The following USP38 variants were observed in gnomAD, a reference collection of about 807,000 sequenced individuals.
USP38 encodes ubiquitin carboxyl-terminal hydrolase 38.
USP38 carries 49 observed loss-of-function variants against 94.3 expected under a neutral mutation model. The ratio of observed to expected loss-of-function variants is 0.52; its 90% CI spans 0.41 to 0.66. USP38 has a LOEUF of 0.66. Among genes scored for constraint, USP38 ranks in the 30% least tolerant of loss-of-function variants. The pLI is 0.00. For synonymous variants in USP38, 468 were observed against 463.6 expected (o/e 1.01, Z -0.12); for missense variants, 1,128 against 1,229.4 (o/e 0.92, Z 1.23).
chr4:143,203,069 G>A (rs1731761426), intron 4 of USP38, among the ~76,000 whole-genome samples: 1 of 151,868 alleles, frequency 6.6e-6, no homozygotes, highest in Admixed American at 6.6e-5. Context: ...CCCATTGAAT[G>A]ACCTGGTAAA....
rs1230596627 is a variant in USP38 at position 143,204,939 on chromosome 4, A to G, written c.1210-1094A>G. 2.0e-5 allele frequency among the ~76,000 whole-genome samples: 3 copies of G among 152,202 alleles called. No individual in the cohort carries two copies. The East Asian group carries it at 5.8e-4, about 29-fold the overall frequency. On this transcript the variant is annotated intron_variant, in intron 5 of 9. Transcript: ENST00000307017. The stretch of plus-strand genomic sequence containing the variant: ...TTTTTACTGTATCATTAACTAAATC[A>G]AACTTATTTTGGTTGAGCTCAGAAC...
intron 4 of USP38, among the ~76,000 whole-genome samples, chr4:143,200,327 C>G (rs943264583): frequency 3.3e-5 from 5 of 152,100 alleles, no homozygotes; most frequent in African/African-American, 1.2e-4. Flanking sequence ...TCAATAAATT[C>G]AACATCCCTT....
rs1732314652 is a variant in USP38 at position 143,221,200 on chromosome 4, G to A, written c.*744G>A. ...GGAGTATATCTTCTGTGGTTTTGAAGGAGGTGAGTTCTGTATGTGCCTTGC... is the reference window on the plus strand; with the variant it reads ...GGAGTATATCTTCTGTGGTTTTGAAAGAGGTGAGTTCTGTATGTGCCTTGC... On this transcript the variant is annotated 3_prime_UTR_variant, in exon 10 of 10. Transcript: ENST00000307017. 6.6e-6 allele frequency: 1 copy of A among 152,482 alleles called. No homozygotes were observed. The highest frequency in any genetic ancestry group is 6.6e-5 in the Admixed American group (1 of 15,252). 9.4% of individuals were successfully genotyped at this position (152,482 alleles called of 1,614,324 possible).
At chr4:143,206,277 C>T (rs1292633678) in intron 6 of USP38, 51 bp downstream of exon 6, 24 of 1,387,974 alleles carry the variant, frequency 1.7e-5, no homozygotes, top group Non-Finnish European at 2.2e-5. Context: ...TTGATGCATG[C>T]TGATGAAATA....
At chr4:143,192,677 G>T (rs1341352471) in intron 2 of USP38, among the ~76,000 whole-genome samples, 1 of 150,040 alleles carries the variant, frequency 6.7e-6, no homozygotes, top group Non-Finnish European at 1.5e-5. Context: ...GCCCCCTTCA[G>T]CCTCTAATCC....
chr4:143,191,868 A>G (rs1258433237), intron 2 of USP38, among the ~76,000 whole-genome samples: 3 of 152,246 alleles, frequency 2.0e-5, no homozygotes, highest in African/African-American at 7.2e-5. Context: ...CAAATTGATA[A>G]TCACTGATAC....
At chr4:143,200,173 CA>C (rs1396549996) in intron 4 of USP38, among the ~76,000 whole-genome samples, 1 of 152,112 alleles carries the variant, frequency 6.6e-6, no homozygotes, top group East Asian at 1.9e-4. Flanking sequence ...GCAAATCCAG[CA>C]GCACTTCAAA....
chr4:143,202,408 A>T (rs561922442), intron 4 of USP38, among the ~76,000 whole-genome samples: 1 of 152,264 alleles, frequency 6.6e-6, no homozygotes, highest in South Asian at 2.1e-4. Context: ...TTGCTGTTTG[A>T]TGGTACGACC....
chr4:143,205,689 C>T (rs1293724960), intron 5 of USP38, among the ~76,000 whole-genome samples: 1 of 152,094 alleles, frequency 6.6e-6, no homozygotes, highest in Non-Finnish European at 1.5e-5. Flanking sequence ...ATTCTACTGC[C>T]TTTGAATAGC....
Position 143,203,316 on chromosome 4 carries a change from T to C in USP38, c.1051-92T>C, listed in dbSNP as rs908091542. On this transcript the variant is annotated intron_variant, in intron 4 of 9. Transcript: ENST00000307017. The stretch of plus-strand genomic sequence containing the variant: ...ACTGCACATACAGAAAAGTATCTGC[T>C]GATCATATATCGTTTGTGTTCTGTT... The C allele has an allele frequency of 2.9e-5, 37 of 1,256,986 alleles. 1 individual carries two copies. Among genetic ancestry groups the C allele is most frequent in the Non-Finnish European group, 3.4e-5 (31 of 903,866 alleles). 77.9% of individuals were successfully genotyped at this position (1,256,986 alleles called of 1,614,324 possible).
chr4:143,213,554 G>A lies in USP38; in HGVS notation c.1605-27G>A, dbSNP rs1474915271. The A allele has an allele frequency of 1.9e-6, 3 of 1,543,680 alleles. No homozygotes were observed. In the South Asian group the frequency reaches 3.8e-5, roughly 19 times the overall value. ...ATGACATTTGAAGTTAATTTAAGTA[G>A]CTATATAATGATATCCTCTGCTGCA... is the stretch of plus-strand genomic sequence containing the variant. On this transcript the variant is annotated intron_variant, in intron 8 of 9. Transcript: ENST00000307017.
At chr4:143,216,888 G>A (rs960811535) in intron 9 of USP38, among the ~76,000 whole-genome samples, 1 of 151,972 alleles carries the variant, frequency 6.6e-6, no homozygotes, top group Non-Finnish European at 1.5e-5. Flanking sequence ...TCGGCTCACT[G>A]TAACCTCCAC....
chr4:143,185,426 G>A lies in USP38; in HGVS notation c.-25G>A. 6.4e-7 allele frequency: 1 copy of A among 1,556,468 alleles called. No individual in the cohort carries two copies. The highest frequency in any genetic ancestry group is 8.7e-7 in the Non-Finnish European group (1 of 1,148,056). On this transcript the variant is annotated 5_prime_UTR_variant, in exon 1 of 10. Transcript: ENST00000307017. ...GCCGCCACCCGCTCCTTATCCCCTG[G>A]CCCTGGCCTTGCAGCGTGGCGACAA... is the stretch of plus-strand genomic sequence containing the variant.
intron 7 of USP38, among the ~76,000 whole-genome samples, chr4:143,209,990 G>C (rs944940222): frequency 6.6e-6 from 1 of 152,032 alleles, no homozygotes; most frequent in African/African-American, 2.4e-5. Flanking sequence ...ATTTTTAAGT[G>C]CATCTTTGTT....
At chr4:143,198,060 C>T (rs934234877) in intron 4 of USP38, 136 bp downstream of exon 4, 6 of 555,344 alleles carry the variant, frequency 1.1e-5, no homozygotes, top group African/African-American at 1.9e-5. Context: ...TTATGATTTC[C>T]TAGAAAATTG....
intron 7 of USP38, among the ~76,000 whole-genome samples, chr4:143,210,837 A>G (rs1423016479): frequency 1.3e-5 from 2 of 151,990 alleles, no homozygotes; most frequent in East Asian, 1.9e-4. Flanking sequence ...AAATATCTCA[A>G]ATATAACTTC....
intron 2 of USP38, among the ~76,000 whole-genome samples, chr4:143,191,304 A>G (rs1731391605): frequency 6.6e-6 from 1 of 152,188 alleles, no homozygotes; most frequent in South Asian, 2.1e-4. Flanking sequence ...TATAAGTGAA[A>G]TGATAGGGAA....
At chr4:143,195,613 A>C (rs1297214016) in intron 2 of USP38, 103 bp from the exon 3 acceptor site, 1 of 1,220,096 alleles carries the variant, frequency 8.2e-7, no homozygotes, top group African/African-American at 1.5e-5. Flanking sequence ...AATTCAGTAA[A>C]TGTTTATTCA....
intron 1 of USP38, among the ~76,000 whole-genome samples, chr4:143,186,981 A>G (rs77075683): frequency 0.016 from 2,363 of 152,346 alleles, 25 homozygotes; most frequent in Non-Finnish European, 0.021. Flanking sequence ...TTATCTTAAG[A>G]ACCAGAAGTA....
Sources: allele counts gnomAD v4.1 joint callset (sites outside exome capture counted in the v4.1 genomes callset), GRCh38; gene constraint gnomAD v4.1.1; transcripts MANE v1.5; gene names NCBI Gene and HGNC (gene_info 2026-07-23, HGNC 2026-07-21).